The following GRIA4 variants were observed in gnomAD, a reference collection of about 807,000 sequenced individuals.
GRIA4 encodes glutamate receptor 4.
A neutral mutation model predicts 104.0 loss-of-function variants in GRIA4; 34 were observed. The ratio of observed to expected loss-of-function variants is 0.33; its 90% CI spans 0.25 to 0.44. GRIA4 has a LOEUF of 0.44. GRIA4 is among the 20% of genes least tolerant of loss of function. The probability of loss-of-function intolerance (pLI) is 1.00; values close to 1 mark genes in which losing one functional copy is unlikely to be tolerated. For synonymous variants in GRIA4, 386 were observed against 381.9 expected, an observed-to-expected ratio of 1.01 and a Z score of -0.13; for missense variants, 750 against 1,096.5, an observed-to-expected ratio of 0.68 and a Z score of 4.46.
At chr11:105,907,646 C>T (rs2136155137) in intron 9 of GRIA4, among the ~76,000 whole-genome samples, 1 of 152,260 alleles carries the variant, frequency 6.6e-6, no homozygotes, top group South Asian at 2.1e-4. Flanking sequence ...CCATCCAGGG[C>T]TCCAGAGGGA....
chr11:105,686,971 T>A (rs1268523460), intron 3 of GRIA4, among the ~76,000 whole-genome samples: 2 of 152,210 alleles, frequency 1.3e-5, no homozygotes, highest in African/African-American at 2.4e-5. Flanking sequence ...TAGATCTTTG[T>A]TGGATGCTTA....
At chr11:105,935,136 T>G (rs1345305280) in intron 14 of GRIA4, among the ~76,000 whole-genome samples, 1 of 152,066 alleles carries the variant, frequency 6.6e-6, no homozygotes, top group Admixed American at 6.6e-5. Flanking sequence ...TTGAGAGAGA[T>G]ATAAGAAACA....
In GRIA4 at chr11:105,728,216, T is replaced by C. The variant is rs117031252; in HGVS notation, c.248-24765T>C. On this transcript the variant is annotated intron_variant, in intron 3 of 16. Coordinates refer to ENST00000282499, the MANE Select transcript of GRIA4 (RefSeq NM_000829.4). ...AAATGGAAAGCAAAAGAAGCAGGGG[T>C]TGCAATCCTATTCTCTGATAAAACA... Among the ~76,000 whole-genome samples, 732 of 151,812 alleles carry C rather than the reference T, an allele frequency of 4.8e-3. 10 individuals are homozygous for C. The East Asian group carries it at 0.049, about 10-fold the overall frequency.
chr11:105,852,801 TTGTA>T (rs1944862772), intron 4 of GRIA4, among the ~76,000 whole-genome samples: 1 of 125,136 alleles, frequency 8.0e-6, no homozygotes, highest in Admixed American at 9.9e-5. Context: ...GTCTCCATAA[TTGTA>T]TGCAAATCCT....
At chr11:105,924,945 A>C (rs1947664548) in intron 12 of GRIA4, among the ~76,000 whole-genome samples, 176 bp downstream of exon 12, 1 of 152,158 alleles carries the variant, frequency 6.6e-6, no homozygotes, top group South Asian at 2.1e-4. Flanking sequence ...TGGATATATC[A>C]TAAATATTAA....
chr11:105,970,041 C>G (rs941692092), intron 14 of GRIA4, among the ~76,000 whole-genome samples: 20 of 152,040 alleles, frequency 1.3e-4, no homozygotes, highest in African/African-American at 4.8e-4. Context: ...CCTAGATTAA[C>G]TGGGTTTAAA....
At chr11:105,636,629 T>A (rs1279950138) in intron 3 of GRIA4, among the ~76,000 whole-genome samples, 1 of 152,190 alleles carries the variant, frequency 6.6e-6, no homozygotes, top group Non-Finnish European at 1.5e-5. Context: ...TTCTAAAGTC[T>A]AGCCTCATTT....
At chr11:105,783,235 T>G (rs1941807124) in intron 4 of GRIA4, among the ~76,000 whole-genome samples, 1 of 152,208 alleles carries the variant, frequency 6.6e-6, no homozygotes, top group Non-Finnish European at 1.5e-5. Context: ...AATATGCATA[T>G]TAGCTTTACC....
chr11:105,880,678 G>A (rs1046860956), intron 5 of GRIA4, among the ~76,000 whole-genome samples: 1 of 152,128 alleles, frequency 6.6e-6, no homozygotes, highest in Non-Finnish European at 1.5e-5. Context: ...AAGACATTTT[G>A]AAGGTGAAAA....
chr11:105,749,759 T>C (rs1413527612), intron 3 of GRIA4, among the ~76,000 whole-genome samples: 1 of 152,186 alleles, frequency 6.6e-6, no homozygotes, highest in African/African-American at 2.4e-5. Context: ...GTGTTTATTG[T>C]ATGTCTCTAT....
chr11:105,702,804 C>T (rs557605751), intron 3 of GRIA4, among the ~76,000 whole-genome samples: 19 of 138,204 alleles, frequency 1.4e-4, no homozygotes, highest in East Asian at 4.6e-4. Flanking sequence ...AAGCAATTTT[C>T]GTACCTCAGC....
intron 7 of GRIA4, among the ~76,000 whole-genome samples, chr11:105,899,487 T>C (rs12573988): frequency 0.086 from 13,112 of 152,300 alleles, 769 homozygotes; most frequent in Admixed American, 0.18. Context: ...CCAACTAGAC[T>C]TGTCTATGCT....
intron 4 of GRIA4, among the ~76,000 whole-genome samples, chr11:105,819,878 G>A (rs10895877): frequency 0.14 from 21,714 of 152,040 alleles, 1,762 homozygotes; most frequent in Admixed American, 0.22. Context: ...AATTAGTTAA[G>A]ATGAAGCCAT....
chr11:105,811,295 T>A (rs538057247), intron 4 of GRIA4, among the ~76,000 whole-genome samples: 2 of 152,286 alleles, frequency 1.3e-5, no homozygotes, highest in East Asian at 3.9e-4. Context: ...ATAGAAGAGA[T>A]ATAAATGAAA....
chr11:105,689,143 G>T (rs1952997219), intron 3 of GRIA4, among the ~76,000 whole-genome samples: 1 of 152,106 alleles, frequency 6.6e-6, no homozygotes, highest in Non-Finnish European at 1.5e-5. Context: ...TGAGGAAAAT[G>T]TTAAGTAGTT....
intron 3 of GRIA4, among the ~76,000 whole-genome samples, chr11:105,649,548 T>A (rs1012684498): frequency 1.3e-5 from 2 of 152,178 alleles, no homozygotes; most frequent in Non-Finnish European, 1.5e-5. Context: ...TACTGGCCTA[T>A]ACATATAACC....
chr11:105,640,712 A>C (rs1951335288), intron 3 of GRIA4, among the ~76,000 whole-genome samples: 1 of 151,970 alleles, frequency 6.6e-6, no homozygotes, highest in Non-Finnish European at 1.5e-5. Context: ...CTTGACATTT[A>C]CTGTGAAATT....
chr11:105,906,718 C>CG (rs1480102170), intron 9 of GRIA4, among the ~76,000 whole-genome samples: 1 of 152,002 alleles, frequency 6.6e-6, no homozygotes, highest in Non-Finnish European at 1.5e-5. Flanking sequence ...GGATGGCAGC[C>CG]GGGGGGCCCA....
chr11:105,803,764 A>G (rs759136636), intron 4 of GRIA4, among the ~76,000 whole-genome samples: 6 of 151,464 alleles, frequency 4.0e-5, no homozygotes, highest in Non-Finnish European at 7.4e-5. Flanking sequence ...AAAATGTAGG[A>G]AAGGTGGCCG....
Sources: allele counts gnomAD v4.1 joint callset (sites outside exome capture counted in the v4.1 genomes callset), GRCh38; gene constraint gnomAD v4.1.1; transcripts MANE v1.5; gene names NCBI Gene and HGNC (gene_info 2026-07-23, HGNC 2026-07-21).